Variants in TSHZ2 observed in about 807,000 individuals in gnomAD.
The protein encoded by TSHZ2 is teashirt zinc finger homeobox 2, also known as teashirt homolog 2.
A neutral mutation model predicts 74.4 loss-of-function variants in TSHZ2; 21 were observed. That is an observed-to-expected ratio of 0.28 (90% CI 0.20 to 0.41). TSHZ2 has a LOEUF of 0.41. Ranked by LOEUF, TSHZ2 falls within the 10% of genes least tolerant of loss-of-function variation. The pLI is 1.00. For missense variants in TSHZ2, 1,244 were observed against 1,293.5 expected (o/e 0.96, Z 0.59); for synonymous variants, 540 against 515.3 (o/e 1.05, Z -0.65).
chr20:52,978,627 G>T (rs891690815), intron 1 of TSHZ2, among the ~76,000 whole-genome samples: 7 of 152,144 alleles, frequency 4.6e-5, no homozygotes, highest in Non-Finnish European at 1.0e-4. Context: ...GTTAAATAGT[G>T]TCTTGCATCG....
At chr20:53,272,285 C>G (rs952637495) in intron 2 of TSHZ2, among the ~76,000 whole-genome samples, 3 of 152,078 alleles carry the variant, frequency 2.0e-5, no homozygotes, top group African/African-American at 7.2e-5. Flanking sequence ...GCTAGGATTA[C>G]AGGCATGAAC....
chr20:53,213,404 A>G lies in TSHZ2; in HGVS notation c.41-40095A>G, dbSNP rs117174791. On this transcript the variant is annotated intron_variant, in intron 1 of 2. Coordinates refer to ENST00000371497, the MANE Select transcript of TSHZ2 (RefSeq NM_173485.6). Reference sequence around the variant, plus strand: ...TGCTGCACCTGGATGCTTCGTTACAACTAGAGCTAATAGGAACCACCCAGC... The same window carrying G: ...TGCTGCACCTGGATGCTTCGTTACAGCTAGAGCTAATAGGAACCACCCAGC... Among the ~76,000 whole-genome samples the G allele has an allele frequency of 2.0e-3, 310 of 152,342 alleles. 3 individuals carry two copies. Among genetic ancestry groups the G allele is most frequent in the Admixed American group, 0.014 (221 of 15,300 alleles).
chr20:53,335,701 A>G (rs535738282), intron 2 of TSHZ2, among the ~76,000 whole-genome samples: 1 of 152,344 alleles, frequency 6.6e-6, no homozygotes, highest in South Asian at 2.1e-4. Context: ...GAAGGAACAA[A>G]TGAGCTCATG....
At chr20:53,458,065 T>C (rs1022794251) in intron 2 of TSHZ2, among the ~76,000 whole-genome samples, 4 of 152,140 alleles carry the variant, frequency 2.6e-5, no homozygotes, top group African/African-American at 9.7e-5. Context: ...AGAATGATGC[T>C]GGCCTCATAA....
Position 53,111,146 on chromosome 20 carries a change from G to T in TSHZ2, c.40+137813G>T, listed in dbSNP as rs148630262. On this transcript the variant is annotated intron_variant, in intron 1 of 2. Transcript: ENST00000371497. ...AGTTCAGAAATCAAAATGATAATTT[G>T]ATATAAAAGGAAATTGTCCAAGAGG... Among the ~76,000 whole-genome samples, 11 of 152,324 alleles carry T rather than the reference G, an allele frequency of 7.2e-5. No homozygotes were observed. The South Asian group carries it at 2.3e-3, about 32-fold the overall frequency.
In TSHZ2 at chr20:53,060,295, T is replaced by C. The variant is rs561611231; in HGVS notation, c.40+86962T>C. On this transcript the variant is annotated intron_variant, in intron 1 of 2. Coordinates refer to ENST00000371497, the MANE Select transcript of TSHZ2 (RefSeq NM_173485.6). ...GGGATTTTGAGGGCTGTAGAATGTA[T>C]CTCCAACAAATGGCAAAGGTCTATG... 1.4e-4 allele frequency among the ~76,000 whole-genome samples: 21 copies of C among 152,282 alleles called. 2 individuals carry two copies. In the East Asian group the frequency reaches 3.5e-3, roughly 25 times the overall value.
intron 2 of TSHZ2, among the ~76,000 whole-genome samples, chr20:53,463,379 A>AGAGG (rs1985441434): frequency 3.4e-5 from 3 of 88,030 alleles, no homozygotes; most frequent in East Asian, 8.5e-4. Flanking sequence ...ACAGAGAGAG[A>AGAGG]GAGGAAGGAA....
At chr20:53,328,182 T>C (rs753770400) in intron 2 of TSHZ2, among the ~76,000 whole-genome samples, 2 of 152,190 alleles carry the variant, frequency 1.3e-5, no homozygotes, top group Non-Finnish European at 2.9e-5. Flanking sequence ...TGTGCCGAGA[T>C]TGCTAAATTT....
chr20:53,014,154 GT>G (rs1224856594), intron 1 of TSHZ2, among the ~76,000 whole-genome samples: 2 of 151,942 alleles, frequency 1.3e-5, no homozygotes, highest in African/African-American at 2.4e-5. Flanking sequence ...CTGGTAAAGG[GT>G]TTTTTTCTGG....
chr20:53,455,966 G>A lies in TSHZ2; in HGVS notation c.*9-31178G>A, dbSNP rs1318464966. 4.6e-3 allele frequency among the ~76,000 whole-genome samples: 701 copies of A among 151,510 alleles called. 1 individual carries two copies. Among genetic ancestry groups the A allele is most frequent in the South Asian group, 0.028 (134 of 4,720 alleles). The stretch of plus-strand genomic sequence containing the variant: ...TTCTTAATCCAGTCTATCATTGTTG[G>A]ACATTTGGGTTGGTTCCAAGTCTTT... On this transcript the variant is annotated intron_variant, in intron 2 of 2. Transcript: ENST00000371497.
intron 1 of TSHZ2, among the ~76,000 whole-genome samples, chr20:53,076,686 A>T (rs886255672): frequency 1.3e-5 from 2 of 152,190 alleles, no homozygotes; most frequent in African/African-American, 4.8e-5. Flanking sequence ...CAGGCCATGG[A>T]GTGGAGAACA....
intron 1 of TSHZ2, among the ~76,000 whole-genome samples, chr20:53,104,669 A>G (rs1986313062): frequency 6.6e-6 from 1 of 152,194 alleles, no homozygotes; most frequent in Non-Finnish European, 1.5e-5. Flanking sequence ...CCATTCTTTA[A>G]TAGCAAACTG....
intron 1 of TSHZ2, among the ~76,000 whole-genome samples, chr20:53,220,121 A>G (rs949777048): frequency 6.6e-6 from 1 of 152,228 alleles, no homozygotes; most frequent in African/African-American, 2.4e-5. Context: ...ATGACCCTTC[A>G]TTCTCAGTGG....
At chr20:53,101,707 T>C (rs976656473) in intron 1 of TSHZ2, among the ~76,000 whole-genome samples, 1 of 152,202 alleles carries the variant, frequency 6.6e-6, no homozygotes, top group Admixed American at 6.5e-5. Context: ...TAATATACTT[T>C]GAAATTTGAA....
chr20:53,458,764 C>A lies in TSHZ2; in HGVS notation c.*9-28380C>A, dbSNP rs548855436. On this transcript the variant is annotated intron_variant, in intron 2 of 2. Transcript: ENST00000371497. The stretch of plus-strand genomic sequence containing the variant: ...TCCCAGAGATTCTGGTATGTTGTGT[C>A]TTTGTTCTCGTTGGTTTCAAAGAAC... 5.3e-4 allele frequency among the ~76,000 whole-genome samples: 81 copies of A among 152,034 alleles called. 2 individuals carry two copies. The highest frequency in any genetic ancestry group is 6.8e-3 in the Middle Eastern group (2 of 294).
intron 1 of TSHZ2, among the ~76,000 whole-genome samples, chr20:53,228,908 G>T (rs1000024801): frequency 7.2e-5 from 11 of 152,150 alleles, no homozygotes; most frequent in Non-Finnish European, 1.0e-4. Flanking sequence ...GTAATAGAAG[G>T]GTCCCTTTAT....
chr20:53,220,117 C>G (rs1989520417), intron 1 of TSHZ2, among the ~76,000 whole-genome samples: 1 of 152,160 alleles, frequency 6.6e-6, no homozygotes. Flanking sequence ...TACCATGACC[C>G]TTCATTCTCA....
intron 1 of TSHZ2, among the ~76,000 whole-genome samples, chr20:53,047,918 G>A (rs1185476727): frequency 1.3e-5 from 2 of 152,164 alleles, no homozygotes; most frequent in African/African-American, 4.8e-5. Flanking sequence ...AGCCCTGCAA[G>A]GTAGACACCG....
intron 1 of TSHZ2, among the ~76,000 whole-genome samples, chr20:53,242,265 A>G (rs926923737): frequency 6.6e-6 from 1 of 152,116 alleles, no homozygotes; most frequent in Non-Finnish European, 1.5e-5. Flanking sequence ...AGGTATAGCA[A>G]CCAAAAATGT....
Sources: gnomAD v4.1 joint callset for allele counts (sites outside exome capture counted in the v4.1 genomes callset) on GRCh38, gnomAD v4.1.1 for gene constraint, MANE v1.5 for transcripts, NCBI Gene and HGNC (gene_info 2026-07-23, HGNC 2026-07-21) for gene names.